Variants in HPSE2 observed in about 807,000 individuals in gnomAD.
HPSE2 encodes the protein inactive heparanase-2.
Under a neutral mutation model 60.5 loss-of-function variants are expected in HPSE2, and 38 were observed. The observed-to-expected ratio is 0.63, with a 90% confidence interval of 0.48 to 0.82. The LOEUF (loss-of-function observed/expected upper bound fraction) is 0.82. Among genes scored for constraint, HPSE2 ranks in the 40% least tolerant of loss-of-function variants. The pLI is 0.00. For synonymous variants in HPSE2, 295 were observed against 293.2 expected (o/e 1.01, Z -0.06); for missense variants, 713 against 740.4 (o/e 0.96, Z 0.43).
chr10:98,922,533 G>T (rs1034924913), intron 3 of HPSE2, among the ~76,000 whole-genome samples: 2 of 152,144 alleles, frequency 1.3e-5, no homozygotes, highest in African/African-American at 2.4e-5. Context: ...ACAACCATAT[G>T]AGATTTGAAT....
rs912267120 is a variant in HPSE2, at chr10:99,075,319, CAT to C, written c.610+68917_610+68918del. The stretch of plus-strand genomic sequence containing the variant: ...TTCAGGGGTATGCTGTTTAATTTCA[CAT>C]GTTTGTGAATTTTCCAGTTTCCCAT... On this transcript the variant is annotated intron_variant, in intron 3 of 11. Coordinates refer to ENST00000370552, the MANE Select transcript of HPSE2 (RefSeq NM_021828.5). Among the ~76,000 whole-genome samples, 16 of 152,158 alleles carry C rather than the reference CAT, an allele frequency of 1.1e-4. No homozygotes were observed. The South Asian group carries it at 2.3e-3, about 22-fold the overall frequency.
At chr10:98,855,305 G>A (rs891992581) in intron 3 of HPSE2, among the ~76,000 whole-genome samples, 4 of 152,102 alleles carry the variant, frequency 2.6e-5, no homozygotes, top group South Asian at 2.1e-4. Context: ...CACTGGGCAC[G>A]CTTTAAAATG....
chr10:99,046,866 A>G (rs979867475), intron 3 of HPSE2, among the ~76,000 whole-genome samples: 13 of 152,186 alleles, frequency 8.5e-5, no homozygotes, highest in African/African-American at 3.1e-4. Flanking sequence ...GAAAGAATCA[A>G]TATCATTAAA....
At chr10:98,463,629 C>A (rs1940401645) in intron 11 of HPSE2, among the ~76,000 whole-genome samples, 1 of 150,638 alleles carries the variant, frequency 6.6e-6, no homozygotes, top group Admixed American at 6.6e-5. Context: ...TAGTGAGACC[C>A]CCATCTCTAC....
chr10:98,604,295 TAAGA>T (rs139780009), intron 9 of HPSE2, among the ~76,000 whole-genome samples: 5,712 of 142,834 alleles, frequency 0.04, 164 homozygotes, highest in Non-Finnish European at 0.063. Flanking sequence ...ATGGATATCC[TAAGA>T]AAGAACTAAA....
intron 9 of HPSE2, among the ~76,000 whole-genome samples, chr10:98,513,204 G>A (rs1942479218): frequency 1.3e-5 from 2 of 152,240 alleles, no homozygotes; most frequent in Non-Finnish European, 2.9e-5. Flanking sequence ...ATGGCCTCCT[G>A]CCCCTTGCTT....
At chr10:99,093,751 G>A (rs758098239) in intron 3 of HPSE2, among the ~76,000 whole-genome samples, 6 of 152,224 alleles carry the variant, frequency 3.9e-5, no homozygotes, top group East Asian at 1.9e-4. Flanking sequence ...TTGTTGCATC[G>A]GGATTAAGTT....
chr10:98,533,742 G>C (rs1589378923), intron 9 of HPSE2, among the ~76,000 whole-genome samples: 1 of 152,154 alleles, frequency 6.6e-6, no homozygotes, highest in East Asian at 1.9e-4. Flanking sequence ...AAGCTGTCCG[G>C]CAGACTTTGG....
chr10:99,089,431 T>C lies in HPSE2; in HGVS notation c.610+54807A>G, dbSNP rs561832706. On this transcript the variant is annotated intron_variant, in intron 3 of 11. Transcript: ENST00000370552. ...ACAGCACCATTTGTTGAACAGGGTG[T>C]CCTATCCCCACTTTGTTTTTGTTTG... Among the ~76,000 whole-genome samples the C allele has an allele frequency of 1.1e-4, 17 of 152,292 alleles. No individual in the cohort carries two copies. The South Asian group carries it at 3.5e-3, about 32-fold the overall frequency.
intron 3 of HPSE2, among the ~76,000 whole-genome samples, chr10:99,048,612 T>C (rs4526715): frequency 0.76 from 115,090 of 151,958 alleles, 46,347 homozygotes; most frequent in South Asian, 0.92. Context: ...GAAAAGGGGG[T>C]GCTTATACAC....
At chr10:98,687,738 G>A (rs1413199957) in intron 6 of HPSE2, among the ~76,000 whole-genome samples, 1 of 151,868 alleles carries the variant, frequency 6.6e-6, no homozygotes. Flanking sequence ...TTTTTTTGAA[G>A]CCTACTTTGC....
intron 3 of HPSE2, among the ~76,000 whole-genome samples, chr10:99,121,736 A>T (rs1282105648): frequency 6.6e-6 from 1 of 152,182 alleles, no homozygotes; most frequent in Admixed American, 6.5e-5. Flanking sequence ...CAGGACATTT[A>T]TAAAAGTCCC....
rs555084764 is a variant in HPSE2 at position 99,165,040 on chromosome 10, G to A, written c.449-20641C>T. Among the ~76,000 whole-genome samples, 4 of 122,194 alleles carry A rather than the reference G, an allele frequency of 3.3e-5. No homozygotes were observed. The South Asian group carries it at 8.2e-4, about 25-fold the overall frequency. 80.2% of individuals were successfully genotyped at this position (122,194 alleles called of 152,430 possible). A position where few individuals can be genotyped will look rare whatever the true frequency, so the allele number is the denominator to read the frequency against. On this transcript the variant is annotated intron_variant, in intron 2 of 11. Coordinates refer to ENST00000370552, the MANE Select transcript of HPSE2 (RefSeq NM_021828.5). ...GAAGGTTGCAGTGAGCCAAGATCGC[G>A]CCACTACACTCCAGTCTGGCAACAG... is the stretch of plus-strand genomic sequence containing the variant.
At chr10:98,746,083 T>G (rs556338267) in intron 3 of HPSE2, among the ~76,000 whole-genome samples, 1 of 149,932 alleles carries the variant, frequency 6.7e-6, no homozygotes, top group Non-Finnish European at 1.5e-5. Context: ...TTCTGTCAAC[T>G]TATATCATAC....
intron 3 of HPSE2, among the ~76,000 whole-genome samples, chr10:98,844,441 T>C (rs1249165124): frequency 6.6e-6 from 1 of 152,222 alleles, no homozygotes; most frequent in Non-Finnish European, 1.5e-5. Context: ...GATACTAGTA[T>C]GTCCAACCAT....
chr10:98,520,940 T>C (rs1319620113), intron 9 of HPSE2, among the ~76,000 whole-genome samples: 1 of 152,124 alleles, frequency 6.6e-6, no homozygotes, highest in Admixed American at 6.6e-5. Context: ...TAGCCATAGG[T>C]AGAAAGCTGA....
chr10:98,848,932 G>A (rs1232843261), intron 3 of HPSE2, among the ~76,000 whole-genome samples: 2 of 151,800 alleles, frequency 1.3e-5, no homozygotes, highest in African/African-American at 4.8e-5. Context: ...TTGAGGGCCA[G>A]CTATATTGAA....
intron 3 of HPSE2, among the ~76,000 whole-genome samples, chr10:99,117,345 G>A (rs1356899871): frequency 2.3e-5 from 3 of 128,992 alleles, no homozygotes; most frequent in African/African-American, 8.7e-5. Context: ...AACCAAACTC[G>A]GAGCTGAACT....
chr10:99,268,010 T>G, the HPSE2 span, among the ~76,000 whole-genome samples: 1 of 152,188 alleles, frequency 6.6e-6, no homozygotes, highest in East Asian at 1.9e-4. Context: ...TTAGGTTATC[T>G]AAAGTCAAGA....
Sources: allele counts gnomAD v4.1 joint callset (sites outside exome capture counted in the v4.1 genomes callset), GRCh38; gene constraint gnomAD v4.1.1; transcripts MANE v1.5; gene names NCBI Gene and HGNC (gene_info 2026-07-23, HGNC 2026-07-21).